Variants in NID1 observed in about 807,000 individuals in gnomAD.
NID1 encodes nidogen 1, also known as nidogen-1.
Under a neutral mutation model 130.6 loss-of-function variants are expected in NID1, and 76 were observed. The observed-to-expected ratio is 0.58, with a 90% CI of 0.48 to 0.70. NID1 has a LOEUF of 0.70. Among genes scored for constraint, NID1 ranks in the 30% least tolerant of loss-of-function variants. The pLI is 0.00. For synonymous variants in NID1, 665 were observed against 675.1 expected (o/e 0.98, Z 0.23); for missense variants, 1,517 against 1,664.8 (o/e 0.91, Z 1.54).
chr1:236,051,711 T>C (rs1308414191), intron 1 of NID1, among the ~76,000 whole-genome samples: 1 of 152,120 alleles, frequency 6.6e-6, no homozygotes, highest in African/African-American at 2.4e-5. Flanking sequence ...TGTGGGAGCG[T>C]GGGAAACGGC....
At chr1:236,010,489 G>C (rs936572607) in intron 12 of NID1, among the ~76,000 whole-genome samples, 1 of 151,872 alleles carries the variant, frequency 6.6e-6, no homozygotes. Context: ...GTAGAAACAG[G>C]GTCTCGCTAT....
intron 3 of NID1, among the ~76,000 whole-genome samples, chr1:236,043,143 T>C (rs10803248): frequency 0.48 from 72,496 of 152,000 alleles, 17,716 homozygotes; most frequent in East Asian, 0.68. Context: ...TCCATTTGGT[T>C]GTTCCAGAGT....
intron 1 of NID1, among the ~76,000 whole-genome samples, chr1:236,056,512 A>G (rs1340394695): frequency 6.6e-6 from 1 of 152,178 alleles, no homozygotes; most frequent in Admixed American, 6.5e-5. Context: ...CTTCTTTTCT[A>G]ACTATTTTGA....
At position 235,977,923 on chromosome 1, in the gene NID1, T is replaced by C. The variant is rs1572572531; in HGVS notation, c.3688A>G (p.Arg1230Gly). The C allele has an allele frequency of 6.2e-7, 1 of 1,614,206 alleles. No individual in the cohort carries two copies. ...GTGTTGTCAGGGCAACGGCAGGTCC[T>C]GCTCCCTGGGGTGGCCAAGCATAGG... The part of the protein sequence containing the change: ...THLCLATPGS[R>G]TCRCPDNTLG... Residue 1230 changes from arginine (R) to glycine (G), a missense_variant, in exon 20 of 20, where the codon AGG (arginine) becomes GGG (glycine). Coordinates refer to ENST00000264187, the MANE Select transcript of NID1 (RefSeq NM_002508.3).
chr1:235,994,916 C>T (rs1268936782), intron 12 of NID1, among the ~76,000 whole-genome samples: 2 of 152,316 alleles, frequency 1.3e-5, no homozygotes, highest in Middle Eastern at 3.4e-3. Context: ...ACGCTAGCAT[C>T]TCAAGCTTCT....
chr1:235,994,640 A>G (rs543916433), intron 12 of NID1, among the ~76,000 whole-genome samples: 2 of 152,038 alleles, frequency 1.3e-5, no homozygotes, highest in Admixed American at 1.3e-4. Flanking sequence ...ATTTTAAGAA[A>G]ATTTTTTTGT....
chr1:236,042,155 T>G lies in NID1; in HGVS notation c.890A>C (p.Asp297Ala). 8 of 1,613,852 alleles carry G rather than the reference T, an allele frequency of 5.0e-6. No homozygotes were observed. Among genetic ancestry groups the G allele is most frequent in the Non-Finnish European group, 6.8e-6 (8 of 1,179,992 alleles). Residue 297 changes from aspartate (D) to alanine (A), a missense_variant, in exon 4 of 20, where the codon GAC becomes GCC. This residue lies in a region of NID1 where 1,329 missense variants were observed against 1,429.2 expected (regional missense o/e 0.93). Transcript: ENST00000264187. ...AEYDDEDEDY[D>A]LATTRLGLED... is the part of the protein sequence containing the mutation. The stretch of plus-strand genomic sequence containing the variant: ...CAGGCCCAGACGAGTGGTCGCCAGG[T>G]CATAATCTTCATCCTCATCATCATA...
intron 13 of NID1, 142 bp downstream of exon 13, chr1:235,993,503 T>G (rs1657823522): frequency 4.2e-6 from 3 of 719,540 alleles, no homozygotes; most frequent in Non-Finnish European, 6.7e-6. Context: ...GGAAGAAGGG[T>G]GCAGCAGGAG....
At chr1:236,060,280 G>C (rs565908881) in intron 1 of NID1, among the ~76,000 whole-genome samples, 10 of 152,116 alleles carry the variant, frequency 6.6e-5, no homozygotes, top group Non-Finnish European at 1.3e-4. Context: ...TTTGTAAAGT[G>C]TCATGGTGCT....
intron 2 of NID1, among the ~76,000 whole-genome samples, chr1:236,047,754 C>T (rs1049123111): frequency 8.6e-5 from 13 of 151,892 alleles, no homozygotes; most frequent in East Asian, 1.9e-4. Context: ...CAGCCGGGCT[C>T]GGTGGCACAC....
chr1:236,042,344 C>T (rs1220362930), intron 3 of NID1, 52 bp from the exon 4 acceptor site: 5 of 1,561,474 alleles, frequency 3.2e-6, no homozygotes, highest in Non-Finnish European at 4.3e-6. Context: ...CACCAACAGC[C>T]ACCACTACCC....
chr1:236,011,523 G>A (rs1475307), intron 12 of NID1, among the ~76,000 whole-genome samples: 35,348 of 151,994 alleles, frequency 0.23, 5,751 homozygotes, highest in East Asian at 0.68. Context: ...GGCTGATCTC[G>A]AACTCCTGAC....
At chr1:236,025,193 C>T (rs112670116) in intron 8 of NID1, among the ~76,000 whole-genome samples, 3,708 of 151,784 alleles carry the variant, frequency 0.024, 131 homozygotes, top group African/African-American at 0.084. Flanking sequence ...CTCAGGTGAT[C>T]CGCCCTCTTT....
chr1:235,984,421 C>T (rs1168502451), intron 15 of NID1, among the ~76,000 whole-genome samples: 1 of 152,122 alleles, frequency 6.6e-6, no homozygotes, highest in Admixed American at 6.6e-5. Context: ...AAAAATGCTT[C>T]GGGAGTTGTT....
chr1:236,010,872 A>T (rs1347652298), intron 12 of NID1, among the ~76,000 whole-genome samples: 1 of 152,238 alleles, frequency 6.6e-6, no homozygotes, highest in Non-Finnish European at 1.5e-5. Context: ...TTTGATAGAC[A>T]ACTACTCTAA....
intron 5 of NID1, among the ~76,000 whole-genome samples, chr1:236,034,370 T>C (rs1250875685): frequency 7.2e-6 from 1 of 139,464 alleles, no homozygotes; most frequent in Non-Finnish European, 1.5e-5. Flanking sequence ...TGCAGTGAGC[T>C]GAGATTGCAC....
intron 12 of NID1, among the ~76,000 whole-genome samples, chr1:236,003,921 T>A (rs1658160038): frequency 6.6e-6 from 1 of 150,682 alleles, no homozygotes; most frequent in East Asian, 2.0e-4. Context: ...TAATCCCAGC[T>A]ACTCAGGAGA....
intron 12 of NID1, among the ~76,000 whole-genome samples, chr1:236,011,526 C>G (rs1227212293): frequency 6.6e-6 from 1 of 152,148 alleles, no homozygotes; most frequent in East Asian, 1.9e-4. Context: ...TGATCTCGAA[C>G]TCCTGACCTC....
chr1:236,053,629 T>A (rs188372744), intron 1 of NID1, among the ~76,000 whole-genome samples: 81 of 152,284 alleles, frequency 5.3e-4, no homozygotes, highest in African/African-American at 1.7e-3. Context: ...TCTTCCTGCC[T>A]ATTTGTAGGT....
Sources: gnomAD v4.1 joint callset for allele counts (sites outside exome capture counted in the v4.1 genomes callset) on GRCh38, gnomAD v4.1.1 for gene constraint, gnomAD v4.1.1 regional missense constraint, MANE v1.5 for transcripts, NCBI Gene and HGNC (gene_info 2026-07-23, HGNC 2026-07-21) for gene names.